The following HS3ST4 variants were observed in gnomAD, a reference collection of about 807,000 sequenced individuals.
HS3ST4 encodes the protein heparan sulfate-glucosamine 3-sulfotransferase 4, also known as heparan sulfate glucosamine 3-O-sulfotransferase 4.
Under a neutral mutation model 29.2 loss-of-function variants are expected in HS3ST4, and 17 were observed. That is an observed-to-expected ratio of 0.58 (90% CI 0.40 to 0.87). The LOEUF is 0.87. Ranked by LOEUF, HS3ST4 falls within the 40% of genes least tolerant of loss-of-function variation. HS3ST4 has a pLI of 0.00. For missense variants in HS3ST4, 627 were observed against 634.5 expected (o/e 0.99, Z 0.13); for synonymous variants, 314 against 285.7 (o/e 1.10, Z -1.00).
chr16:25,809,470 G>A (rs748553838), intron 1 of HS3ST4, among the ~76,000 whole-genome samples: 1 of 151,932 alleles, frequency 6.6e-6, no homozygotes, highest in African/African-American at 2.4e-5. Context: ...AGTATTGATC[G>A]GTATTTTCTT....
intron 1 of HS3ST4, among the ~76,000 whole-genome samples, chr16:25,773,912 C>T (rs187631356): frequency 6.2e-4 from 95 of 152,126 alleles, no homozygotes; most frequent in African/African-American, 2.1e-3. Context: ...TAAACCAGCC[C>T]CCCTAAACCC....
intron 1 of HS3ST4, among the ~76,000 whole-genome samples, chr16:25,776,839 C>T (rs1314294333): frequency 6.6e-6 from 1 of 152,168 alleles, no homozygotes; most frequent in Admixed American, 6.5e-5. Context: ...TTCTTTGTAT[C>T]ATTTCTAAGT....
chr16:25,802,383 G>A (rs1966947910), intron 1 of HS3ST4, among the ~76,000 whole-genome samples: 2 of 152,054 alleles, frequency 1.3e-5, no homozygotes, highest in South Asian at 4.1e-4. Context: ...CTCACTAAAT[G>A]CTTATATATT....
At chr16:25,771,078 C>A (rs941105823) in intron 1 of HS3ST4, among the ~76,000 whole-genome samples, 1 of 152,016 alleles carries the variant, frequency 6.6e-6, no homozygotes, top group African/African-American at 2.4e-5. Flanking sequence ...ACCTATCAAC[C>A]TGTCATCCAG....
chr16:25,786,683 C>T (rs1029741805), intron 1 of HS3ST4, among the ~76,000 whole-genome samples: 15 of 152,224 alleles, frequency 9.9e-5, no homozygotes, highest in Non-Finnish European at 1.3e-4. Flanking sequence ...CAAACAGTAG[C>T]CTTTGAATGC....
chr16:26,038,997 AG>A (rs1405072614), intron 1 of HS3ST4, among the ~76,000 whole-genome samples: 1 of 151,892 alleles, frequency 6.6e-6, no homozygotes, highest in Non-Finnish European at 1.5e-5. Flanking sequence ...TCTTCCTTCA[AG>A]GTCTAGCTCA....
chr16:25,848,280 A>C (rs1047477177), intron 1 of HS3ST4, among the ~76,000 whole-genome samples: 1 of 152,118 alleles, frequency 6.6e-6, no homozygotes, highest in Non-Finnish European at 1.5e-5. Flanking sequence ...CTGGGATTAC[A>C]GGCGTGTGCC....
chr16:26,136,095 G>C lies in HS3ST4; in HGVS notation c.1218G>C (p.Pro406=). ...AGAAGCCAGAAGACAGCAGTGCCCC[G>C]AGGTGCTTAGGCAAGAGCAAAGGTC... ...CLKKPEDSSA[P]RCLGKSKGRT... The change falls in exon 2 of 2, where the codon CCG becomes CCC. Residue 406 remains proline, a synonymous_variant. Coordinates refer to ENST00000331351, the MANE Select transcript of HS3ST4 (RefSeq NM_006040.3). The C allele has an allele frequency of 1.2e-6, 2 of 1,613,670 alleles. No individual in the cohort carries two copies. Among genetic ancestry groups the C allele is most frequent in the South Asian group, 2.2e-5 (2 of 91,056 alleles).
At chr16:25,977,813 A>C (rs903083447) in intron 1 of HS3ST4, among the ~76,000 whole-genome samples, 1 of 152,202 alleles carries the variant, frequency 6.6e-6, no homozygotes, top group Non-Finnish European at 1.5e-5. Context: ...GTGGGGACGA[A>C]GTGGAACACC....
chr16:25,708,159 G>A (rs559988414), intron 1 of HS3ST4, among the ~76,000 whole-genome samples: 3 of 152,298 alleles, frequency 2.0e-5, no homozygotes, highest in African/African-American at 7.2e-5. Flanking sequence ...AGCTATCCCT[G>A]CTATTTAAGT....
intron 1 of HS3ST4, among the ~76,000 whole-genome samples, chr16:25,852,153 GGT>G (rs1967528218): frequency 6.6e-6 from 1 of 152,038 alleles, no homozygotes; most frequent in Non-Finnish European, 1.5e-5. Flanking sequence ...AAGTCAGCAG[GGT>G]CTCTCATGAC....
intron 1 of HS3ST4, among the ~76,000 whole-genome samples, chr16:26,117,702 A>C (rs1481251390): frequency 6.6e-6 from 1 of 152,200 alleles, no homozygotes; most frequent in Non-Finnish European, 1.5e-5. Context: ...TGCTTAGCAC[A>C]CCCATCTGCT....
intron 1 of HS3ST4, among the ~76,000 whole-genome samples, chr16:26,134,362 C>CTTTTTTTTTTTTTTTT (rs60068546): frequency 1.3e-5 from 1 of 76,810 alleles, no homozygotes; most frequent in African/African-American, 4.7e-5. Flanking sequence ...CTTTTCTTTT[C>CTTTTTTTTTTTTTTTT]TTTTTTTTTT....
intron 1 of HS3ST4, among the ~76,000 whole-genome samples, chr16:26,038,678 G>GTATA (rs1969606795): frequency 6.6e-6 from 1 of 150,676 alleles, no homozygotes; most frequent in South Asian, 2.1e-4. Context: ...ATGTATGTAT[G>GTATA]TATGTATGTA....
intron 1 of HS3ST4, among the ~76,000 whole-genome samples, chr16:25,921,760 T>C (rs752533426): frequency 2.0e-3 from 146 of 71,708 alleles, no homozygotes; most frequent in Non-Finnish European, 3.9e-3. Flanking sequence ...TTTTTTTTTC[T>C]TTTTTTTTTT....
chr16:25,737,069 G>A lies in HS3ST4; in HGVS notation c.734+43918G>A, dbSNP rs868493563. 6.6e-5 allele frequency among the ~76,000 whole-genome samples: 10 copies of A among 151,960 alleles called. No individual in the cohort carries two copies. In the Middle Eastern group the frequency reaches 0.01, roughly 155 times the overall value. On this transcript the variant is annotated intron_variant, in intron 1 of 1. Coordinates refer to ENST00000331351, the MANE Select transcript of HS3ST4 (RefSeq NM_006040.3). The stretch of plus-strand genomic sequence containing the variant: ...TTTTTTAACTTTTATTTTAGATTTG[G>A]GGGTACATATGCAGGTTTGTTATAT...
intron 1 of HS3ST4, among the ~76,000 whole-genome samples, chr16:25,820,465 C>T (rs1214886690): frequency 6.6e-6 from 1 of 152,142 alleles, no homozygotes; most frequent in African/African-American, 2.4e-5. Flanking sequence ...GCAGTCATAG[C>T]TCACTGTAGC....
chr16:26,084,473 G>A (rs1053314212), intron 1 of HS3ST4, among the ~76,000 whole-genome samples: 10 of 152,206 alleles, frequency 6.6e-5, no homozygotes, highest in Non-Finnish European at 4.4e-5. Flanking sequence ...TCACATGCCA[G>A]CTAATCTCTC....
chr16:26,093,712 A>T (rs1898886349), intron 1 of HS3ST4, among the ~76,000 whole-genome samples: 1 of 152,216 alleles, frequency 6.6e-6, no homozygotes, highest in East Asian at 1.9e-4. Flanking sequence ...TCTCCTCCAA[A>T]GGATCGCAGC....
Sources: gnomAD v4.1 joint callset for allele counts (sites outside exome capture counted in the v4.1 genomes callset) on GRCh38, gnomAD v4.1.1 for gene constraint, MANE v1.5 for transcripts, NCBI Gene and HGNC (gene_info 2026-07-23, HGNC 2026-07-21) for gene names.